RPA3: variants seen among roughly 807,000 people sequenced by gnomAD.
RPA3 encodes replication protein A 14 kDa subunit.
RPA3 carries 24 observed loss-of-function variants against 13.7 expected under a neutral mutation model. The ratio of observed to expected loss-of-function variants is 1.75; its 90% CI spans 1.27 to 2.46. The LOEUF is 2.46. RPA3 is among the 30% of genes most tolerant of loss of function. The pLI, the probability that RPA3 is intolerant of heterozygous loss-of-function variation, is 0.00. For missense variants in RPA3, 183 were observed against 151.0 expected (o/e 1.21, Z -1.11); for synonymous variants, 59 against 51.2 (o/e 1.15, Z -0.65).
chr7:7,671,677 A>C (rs559064536), intron 4 of RPA3, among the ~76,000 whole-genome samples: 81 of 151,866 alleles, frequency 5.3e-4, no homozygotes, highest in Middle Eastern at 6.8e-3. Context: ...TTATTCAGTT[A>C]CTTTTTTTCA....
intron 4 of RPA3, among the ~76,000 whole-genome samples, chr7:7,677,604 TA>T (rs1362242653): frequency 6.6e-6 from 1 of 152,084 alleles, no homozygotes; most frequent in East Asian, 1.9e-4. Context: ...TTTTTATGGC[TA>T]AATAGTATTC....
intron 2 of RPA3, among the ~76,000 whole-genome samples, chr7:7,705,374 A>G (rs1042850258): frequency 2.6e-5 from 4 of 152,250 alleles, no homozygotes; most frequent in African/African-American, 9.6e-5. Context: ...TTTGGAGTTT[A>G]AAAAGTAATT....
At chr7:7,639,444 A>C (rs1784917806) in intron 5 of RPA3, among the ~76,000 whole-genome samples, 1 of 152,148 alleles carries the variant, frequency 6.6e-6, no homozygotes, top group South Asian at 2.1e-4. Context: ...CCCACCCTAA[A>C]AGTGAAATCT....
intron 4 of RPA3, among the ~76,000 whole-genome samples, chr7:7,651,567 G>C (rs1453513270): frequency 6.6e-6 from 1 of 152,048 alleles, no homozygotes; most frequent in Non-Finnish European, 1.5e-5. Flanking sequence ...TCCTCATGTT[G>C]ATCTCATTCT....
chr7:7,668,887 A>T (rs1290605125), intron 4 of RPA3, among the ~76,000 whole-genome samples: 3 of 152,124 alleles, frequency 2.0e-5, no homozygotes, highest in African/African-American at 7.2e-5. Flanking sequence ...TGGACAGGAA[A>T]CCACTCTATT....
intron 4 of RPA3, among the ~76,000 whole-genome samples, chr7:7,650,305 C>T (rs879005720): frequency 6.6e-6 from 1 of 152,140 alleles, no homozygotes; most frequent in Non-Finnish European, 1.5e-5. Context: ...AATATTTTTA[C>T]AGCTTCATCA....
chr7:7,701,910 C>A (rs1030336519), intron 2 of RPA3, among the ~76,000 whole-genome samples: 1 of 152,222 alleles, frequency 6.6e-6, no homozygotes. Flanking sequence ...TTTCTGCCAT[C>A]TCTCTGCCAT....
chr7:7,704,483 C>T (rs1003636443), intron 2 of RPA3, among the ~76,000 whole-genome samples: 18 of 150,718 alleles, frequency 1.2e-4, no homozygotes, highest in African/African-American at 3.2e-4. Context: ...GGGCCGGGCG[C>T]GGTGGCTCAT....
intron 4 of RPA3, among the ~76,000 whole-genome samples, chr7:7,678,387 G>C (rs1024797734): frequency 3.4e-5 from 5 of 145,536 alleles, no homozygotes; most frequent in African/African-American, 1.3e-4. Context: ...TGTATGTCTT[G>C]AGAAATAGCT....
chr7:7,715,145 C>G lies in RPA3; in HGVS notation c.-1028+30G>C, dbSNP rs1780866235. On this transcript the variant is annotated intron_variant, in intron 2 of 7. Transcript: ENST00000223129. ...TCTCACCATTAATATGCACCTTCAGCATAGAAACAGTTAAAGAAAATAAAC... is the reference window on the plus strand; with the variant it reads ...TCTCACCATTAATATGCACCTTCAGGATAGAAACAGTTAAAGAAAATAAAC... 3 of 152,134 alleles carry G rather than the reference C, an allele frequency of 2.0e-5. 1 individual carries two copies. The South Asian group carries it at 6.2e-4, about 31-fold the overall frequency. The allele number at this position is 152,134 out of a possible 1,614,324, so 9.4% of individuals were successfully genotyped here. A position where few individuals can be genotyped will look rare whatever the true frequency, so the allele number is the denominator to read the frequency against.
intron 7 of RPA3, among the ~76,000 whole-genome samples, chr7:7,637,605 A>G (rs560388227): frequency 6.6e-6 from 1 of 152,060 alleles, no homozygotes; most frequent in African/African-American, 2.4e-5. Context: ...ATGTTATGTA[A>G]TTGTATGTAA....
At chr7:7,653,623 C>T (rs1785276267) in intron 4 of RPA3, among the ~76,000 whole-genome samples, 1 of 152,202 alleles carries the variant, frequency 6.6e-6, no homozygotes, top group Non-Finnish European at 1.5e-5. Flanking sequence ...TCATTGTTCA[C>T]ACTGAAGAAA....
intron 4 of RPA3, among the ~76,000 whole-genome samples, chr7:7,662,627 G>A (rs1785504068): frequency 1.3e-5 from 2 of 152,212 alleles, no homozygotes; most frequent in South Asian, 2.1e-4. Flanking sequence ...GTTTCTGTTC[G>A]CCCTCCTTGG....
intron 4 of RPA3, among the ~76,000 whole-genome samples, chr7:7,675,729 T>C (rs1037408226): frequency 6.6e-6 from 1 of 152,200 alleles, no homozygotes; most frequent in Non-Finnish European, 1.5e-5. Context: ...GCACCATATG[T>C]CTAGCAGTTG....
intron 2 of RPA3, among the ~76,000 whole-genome samples, chr7:7,709,251 A>T (rs567839890): frequency 6.6e-6 from 1 of 152,178 alleles, no homozygotes. Flanking sequence ...GCATGGGGTT[A>T]CTTTTAATAT....
intron 2 of RPA3, among the ~76,000 whole-genome samples, chr7:7,694,468 C>T (rs1334099257): frequency 6.6e-6 from 1 of 152,094 alleles, no homozygotes; most frequent in Admixed American, 6.6e-5. Flanking sequence ...AATGCCAGAT[C>T]TTACTTATTG....
rs28915988 is a variant in RPA3, at chr7:7,672,411, C to G, written c.-758+13419G>C. On this transcript the variant is annotated intron_variant, in intron 4 of 7. Transcript: ENST00000223129. ...GTGTATGAGGGATGGTCACAATAAT[C>G]TCACCAACGCAAGGATTTGCACTGA... 2.6e-4 allele frequency among the ~76,000 whole-genome samples: 40 copies of G among 152,246 alleles called. No individual in the cohort carries two copies. In the East Asian group the frequency reaches 7.1e-3, roughly 27 times the overall value.
At chr7:7,664,462 T>C (rs1047817278) in intron 4 of RPA3, among the ~76,000 whole-genome samples, 3 of 152,224 alleles carry the variant, frequency 2.0e-5, no homozygotes, top group Admixed American at 6.5e-5. Flanking sequence ...GCTGACACTT[T>C]CCTGACGCTT....
At position 7,636,713 on chromosome 7, in the gene RPA3, A is replaced by G. The variant is rs1334583204; in HGVS notation, c.*287T>C. 1 of 283,746 alleles carries G rather than the reference A, an allele frequency of 3.5e-6. No homozygotes were observed. The highest frequency in any genetic ancestry group is 6.5e-6 in the Non-Finnish European group (1 of 153,900). The allele number at this position is 283,746 out of a possible 1,614,324, so 17.6% of individuals were successfully genotyped here. A position where few individuals can be genotyped will look rare whatever the true frequency, so the allele number is the denominator to read the frequency against. On this transcript the variant is annotated 3_prime_UTR_variant, in exon 8 of 8. Transcript: ENST00000223129. ...TAAAAGAATGAAAATGAAATGACCG[A>G]TAGTACGTACCATTTTAGTTTTTAT...
Sources: gnomAD v4.1 joint callset for allele counts (sites outside exome capture counted in the v4.1 genomes callset) on GRCh38, gnomAD v4.1.1 for gene constraint, MANE v1.5 for transcripts, NCBI Gene and HGNC (gene_info 2026-07-23, HGNC 2026-07-21) for gene names.